The following ADCY9 variants were observed in gnomAD, a reference collection of about 807,000 sequenced individuals.
ADCY9 encodes the protein adenylate cyclase 9.
In ADCY9, 50 loss-of-function variants were observed where a neutral mutation model predicts 101.5. The ratio of observed to expected loss-of-function variants is 0.49; its 90% CI spans 0.39 to 0.62. ADCY9 has a LOEUF of 0.62. ADCY9 is among the 20% of genes least tolerant of loss of function. ADCY9 has a pLI of 0.00. For missense variants in ADCY9, 1,662 were observed against 1,800.4 expected (o/e 0.92, Z 1.39); for synonymous variants, 905 against 769.3 (o/e 1.18, Z -2.92).
In ADCY9 at chr16:4,113,752, T is replaced by G. The variant is rs766014253; in HGVS notation, c.1691A>C (p.Lys564Thr). 3.1e-6 allele frequency: 5 copies of G among 1,611,584 alleles called. No individual in the cohort carries two copies. In the South Asian group the frequency reaches 5.5e-5, roughly 18 times the overall value. ...CCGAGGTAAAGCAGTGCACATACCTTTCAACTGGTCAGCAACCACGCTCTG... is the reference window on the plus strand; with the variant it reads ...CCGAGGTAAAGCAGTGCACATACCTGTCAACTGGTCAGCAACCACGCTCTG... ...LGQSVVADQLKGLKTYLISGQ... is the reference protein window; with the variant it reads ...LGQSVVADQLTGLKTYLISGQ... Residue 564 changes from lysine to threonine, a missense_variant and splice_region_variant, in exon 2 of 11, where the codon AAA becomes ACA. This residue lies in a region of ADCY9 where 624 missense variants were observed against 639.1 expected (regional missense o/e 0.98). Coordinates refer to ENST00000294016, the MANE Select transcript of ADCY9 (RefSeq NM_001116.4).
rs112347647 is a variant in ADCY9 at position 4,113,727 on chromosome 16, C to A, written c.1693+23G>T. 2,904 of 1,591,074 alleles carry A rather than the reference C, an allele frequency of 1.8e-3. 37 individuals carry two copies. In the African/African-American group the frequency reaches 0.03, roughly 17 times the overall value. ...CAATCAGGATCAGGGAGGGGGGATG[C>A]CGAGGTAAAGCAGTGCACATACCTT... On this transcript the variant is annotated intron_variant, in intron 2 of 10. Transcript: ENST00000294016.
At chr16:3,993,255 C>G (rs1356790466) in intron 4 of ADCY9, 151 bp downstream of exon 4, 17 of 1,380,326 alleles carry the variant, frequency 1.2e-5, no homozygotes, top group Non-Finnish European at 1.6e-5. Flanking sequence ...CCCTGCCGGT[C>G]TCTTCAACAC....
intron 10 of ADCY9, among the ~76,000 whole-genome samples, chr16:3,974,110 T>C (rs2056074146): frequency 1.3e-5 from 2 of 152,178 alleles, no homozygotes; most frequent in Admixed American, 6.5e-5. Context: ...GGCACAATCT[T>C]GGCTCACTGC....
At chr16:4,081,828 G>A (rs1439202142) in intron 2 of ADCY9, among the ~76,000 whole-genome samples, 1 of 150,722 alleles carries the variant, frequency 6.6e-6, no homozygotes, top group Non-Finnish European at 1.5e-5. Flanking sequence ...CAGCAGGGGA[G>A]GAGGGCGCTG....
chr16:4,013,785 A>T (rs1352161840), intron 2 of ADCY9, among the ~76,000 whole-genome samples: 2 of 152,248 alleles, frequency 1.3e-5, no homozygotes, highest in African/African-American at 4.8e-5. Flanking sequence ...GGAGTCATAG[A>T]TATATTTTAT....
chr16:4,052,333 G>A (rs749454301), intron 2 of ADCY9, among the ~76,000 whole-genome samples: 66 of 152,166 alleles, frequency 4.3e-4, no homozygotes, highest in Non-Finnish European at 8.4e-4. Flanking sequence ...CAGTGCCCAC[G>A]TCCTGATTTG....
At chr16:4,035,025 C>G (rs1004993134) in intron 2 of ADCY9, among the ~76,000 whole-genome samples, 1 of 152,228 alleles carries the variant, frequency 6.6e-6, no homozygotes, top group Non-Finnish European at 1.5e-5. Flanking sequence ...TTATGACAAC[C>G]TGCTGTCATT....
chr16:4,078,579 AC>A (rs1305844661), intron 2 of ADCY9, among the ~76,000 whole-genome samples: 12,264 of 97,350 alleles, frequency 0.13, 998 homozygotes, highest in East Asian at 0.39. Flanking sequence ...AAAAAAGAAA[AC>A]AAAAACATAA....
chr16:4,012,736 T>G (rs1328451219), intron 2 of ADCY9, among the ~76,000 whole-genome samples: 1 of 152,200 alleles, frequency 6.6e-6, no homozygotes, highest in Non-Finnish European at 1.5e-5. Flanking sequence ...TTAAGTATAG[T>G]GTCACTTCTT....
At position 3,988,997 on chromosome 16, in the gene ADCY9, T is replaced by C; in HGVS notation, c.2307A>G (p.Glu769=). Residue 769 remains glutamate, a synonymous_variant, in exon 6 of 11, where the codon GAA becomes GAG. Coordinates refer to ENST00000294016, the MANE Select transcript of ADCY9 (RefSeq NM_001116.4). ...LERSYRTSYQ[E]EVIKNSPVKT... Reference sequence around the variant, plus strand: ...GCGCAAGGAGAAATGAACGCACCTCTTCCTGATAGCTGGTCCTGTAGGATC... The same window carrying C: ...GCGCAAGGAGAAATGAACGCACCTCCTCCTGATAGCTGGTCCTGTAGGATC... 3.1e-6 allele frequency: 5 copies of C among 1,611,798 alleles called. No individual in the cohort carries two copies. Among genetic ancestry groups the C allele is most frequent in the Non-Finnish European group, 4.2e-6 (5 of 1,177,940 alleles).
intron 5 of ADCY9, among the ~76,000 whole-genome samples, chr16:3,953,963 T>G (rs1328709089): frequency 6.6e-6 from 1 of 152,176 alleles, no homozygotes; most frequent in Non-Finnish European, 1.5e-5. Flanking sequence ...AAGGTGGAAT[T>G]TGATTGGAAT....
intron 5 of ADCY9, among the ~76,000 whole-genome samples, chr16:3,989,513 G>A (rs1391670008): frequency 1.3e-5 from 2 of 152,032 alleles, no homozygotes; most frequent in Non-Finnish European, 2.9e-5. Context: ...TGAGTAGCTG[G>A]GATTACAGGC....
At chr16:3,987,079 C>A (rs2056199553) in intron 6 of ADCY9, among the ~76,000 whole-genome samples, 1 of 152,208 alleles carries the variant, frequency 6.6e-6, no homozygotes, top group Non-Finnish European at 1.5e-5. Flanking sequence ...TGGGTGCTGG[C>A]CCCACTCTCC....
At chr16:4,099,228 C>T (rs115640004) in intron 2 of ADCY9, among the ~76,000 whole-genome samples, 2,193 of 152,136 alleles carry the variant, frequency 0.014, 48 homozygotes, top group African/African-American at 0.049. Flanking sequence ...CCACCACGCC[C>T]GGCCTTTTTA....
intron 3 of ADCY9, among the ~76,000 whole-genome samples, chr16:4,005,427 C>T (rs928714723): frequency 6.6e-6 from 1 of 152,150 alleles, no homozygotes; most frequent in East Asian, 1.9e-4. Context: ...TGATGTCTTG[C>T]TACGATGACC....
At chr16:4,026,955 G>A (rs1314240087) in intron 2 of ADCY9, among the ~76,000 whole-genome samples, 2 of 152,178 alleles carry the variant, frequency 1.3e-5, no homozygotes, top group Admixed American at 1.3e-4. Flanking sequence ...CGTGGCAGAT[G>A]AAAAATGGAA....
At chr16:3,954,514 T>A (rs1981642) in intron 5 of ADCY9, among the ~76,000 whole-genome samples, 62,798 of 151,924 alleles carry the variant, frequency 0.41, 13,594 homozygotes, top group Non-Finnish European at 0.49. Flanking sequence ...AGAAGGGACC[T>A]CCGGGACTTA....
rs149348178 is a variant in ADCY9 at position 4,113,778 on chromosome 16, G to T, written c.1665C>A (p.Gly555=). Residue 555 remains glycine (G), a synonymous_variant, in exon 2 of 11, where the codon GGC becomes GGA. Transcript: ENST00000294016. The stretch of plus-strand genomic sequence containing the variant: ...TCAACTGGTCAGCAACCACGCTCTG[G>T]CCCAGCCGTTCAATAACTTTCCCAT... ...MEDGKVIERL[G]QSVVADQLKG... 534 of 1,613,700 alleles carry T rather than the reference G, an allele frequency of 3.3e-4. 1 individual carries two copies. In the African/African-American group the frequency reaches 6.3e-3, roughly 19 times the overall value.
At chr16:3,971,822 G>C (rs2056054560) in intron 10 of ADCY9, among the ~76,000 whole-genome samples, 1 of 152,090 alleles carries the variant, frequency 6.6e-6, no homozygotes, top group African/African-American at 2.4e-5. Context: ...GGTGGAAATG[G>C]GAGACTGTAT....
Sources: gnomAD v4.1 joint callset for allele counts (sites outside exome capture counted in the v4.1 genomes callset) on GRCh38, gnomAD v4.1.1 for gene constraint, gnomAD v4.1.1 regional missense constraint, MANE v1.5 for transcripts, NCBI Gene and HGNC (gene_info 2026-07-23, HGNC 2026-07-21) for gene names.